SDC2: variants seen among roughly 807,000 people sequenced by gnomAD.
SDC2 encodes the protein syndecan 2, also known as syndecan-2.
A neutral mutation model predicts 22.2 loss-of-function variants in SDC2; 13 were observed. That is an observed-to-expected ratio of 0.59 (90% CI 0.38 to 0.93). SDC2 has a LOEUF of 0.93. Among genes scored for constraint, SDC2 ranks in the 40% least tolerant of loss-of-function variants. The pLI is 0.00. For missense variants in SDC2, 235 were observed against 246.8 expected (o/e 0.95, Z 0.32); for synonymous variants, 94 against 92.8 (o/e 1.01, Z -0.07).
Position 96,494,162 on chromosome 8 carries a change from C to A in SDC2, c.-110C>A, listed in dbSNP as rs1813008649. 1 of 1,162,364 alleles carries A rather than the reference C, an allele frequency of 8.6e-7. No homozygotes were observed. Among genetic ancestry groups the A allele is most frequent in the Admixed American group, 2.4e-5 (1 of 41,484 alleles). 72.0% of individuals were successfully genotyped at this position (1,162,364 alleles called of 1,614,324 possible). A position where few individuals can be genotyped will look rare whatever the true frequency, so the allele number is the denominator to read the frequency against. On this transcript the variant is annotated 5_prime_UTR_variant, in exon 1 of 5. Coordinates refer to ENST00000302190, the MANE Select transcript of SDC2 (RefSeq NM_002998.4). ...CCCCGAGCCTGAGCCGCAATCGCTG[C>A]GGTACTCTGCTCCGGATTCGTGTGC...
intron 1 of SDC2, among the ~76,000 whole-genome samples, chr8:96,565,084 A>ATTTTTTTGTTTTTTTTTTTTTTTTTT (rs1814274145): frequency 2.9e-5 from 2 of 67,800 alleles, no homozygotes; most frequent in Non-Finnish European, 5.9e-5. Context: ...CCTAAATTTG[A>ATTTTTTTGTTTTTTTTTTTTTTTTTT]TTTTTTTTTT....
At chr8:96,606,633 C>T (rs1040142930) in intron 3 of SDC2, among the ~76,000 whole-genome samples, 3 of 151,952 alleles carry the variant, frequency 2.0e-5, no homozygotes, top group African/African-American at 7.3e-5. Flanking sequence ...TGAAGTCAGA[C>T]CAATTGAAAT....
chr8:96,514,150 T>G (rs895880213), intron 1 of SDC2, among the ~76,000 whole-genome samples: 2 of 152,202 alleles, frequency 1.3e-5, no homozygotes, highest in African/African-American at 4.8e-5. Flanking sequence ...GTTAGGGGAC[T>G]GTGTATGTAA....
chr8:96,557,512 A>T (rs1814135787), intron 1 of SDC2, among the ~76,000 whole-genome samples: 1 of 149,696 alleles, frequency 6.7e-6, no homozygotes, highest in African/African-American at 2.4e-5. Context: ...ATTCTCAGTA[A>T]ACTATCGCAA....
At chr8:96,583,476 T>C (rs1054453659) in intron 1 of SDC2, among the ~76,000 whole-genome samples, 3 of 150,096 alleles carry the variant, frequency 2.0e-5, no homozygotes, top group African/African-American at 7.4e-5. Flanking sequence ...AGTTGATGTC[T>C]GAAAGCTGGT....
At chr8:96,597,763 A>G (rs1338625147) in intron 2 of SDC2, among the ~76,000 whole-genome samples, 2 of 152,210 alleles carry the variant, frequency 1.3e-5, no homozygotes, top group African/African-American at 2.4e-5. Flanking sequence ...CACAGAGGAT[A>G]TTCATTCATT....
chr8:96,583,433 G>A (rs925019478), intron 1 of SDC2, among the ~76,000 whole-genome samples: 8 of 101,626 alleles, frequency 7.9e-5, no homozygotes, highest in African/African-American at 3.4e-4. Context: ...GGATGTATTC[G>A]CTGTTAATTA....
chr8:96,564,051 G>T (rs1004527509), intron 1 of SDC2, among the ~76,000 whole-genome samples: 61 of 152,280 alleles, frequency 4.0e-4, no homozygotes, highest in Non-Finnish European at 7.1e-4. Context: ...CATCTCTGTT[G>T]TTCCTGCCGT....
At chr8:96,500,508 A>G (rs1015006303) in intron 1 of SDC2, among the ~76,000 whole-genome samples, 1 of 151,986 alleles carries the variant, frequency 6.6e-6, no homozygotes, top group Non-Finnish European at 1.5e-5. Flanking sequence ...CTAAAAATAT[A>G]AAAATTAGCC....
chr8:96,516,986 G>A (rs1198636974), intron 1 of SDC2, among the ~76,000 whole-genome samples: 1 of 152,066 alleles, frequency 6.6e-6, no homozygotes, highest in Non-Finnish European at 1.5e-5. Context: ...TGGGTGATAT[G>A]GTAACTCTGT....
At chr8:96,534,909 C>T (rs146417333) in intron 1 of SDC2, among the ~76,000 whole-genome samples, 2,963 of 152,280 alleles carry the variant, frequency 0.019, 96 homozygotes, top group African/African-American at 0.063. Context: ...TGCTTTCTCA[C>T]TGATGGGTTA....
In SDC2 at chr8:96,608,416, G is replaced by T; in HGVS notation, c.388G>T (p.Val130Leu). 6.2e-7 allele frequency: 1 copy of T among 1,613,674 alleles called. No individual in the cohort carries two copies. Among genetic ancestry groups the T allele is most frequent in the East Asian group, 2.2e-5 (1 of 44,884 alleles). The change falls in exon 4 of 5, where the codon GTG becomes TTG. Residue 130 changes from valine (V) to leucine (L), a missense_variant. By Grantham distance (32) the Val-to-Leu change is conservative. Transcript: ENST00000302190. ...KMDPAEEDTN[V>L]YTEKHSDSLF... ...GGACCCAGCCGAAGAGGATACAAAT[G>T]TGTATACTGAGAAACACTCAGACAG... is the stretch of plus-strand genomic sequence containing the variant.
chr8:96,494,103 A>C lies in SDC2; in HGVS notation c.-169A>C, dbSNP rs1026658344. The C allele has an allele frequency of 6.5e-6, 4 of 610,882 alleles. No individual in the cohort carries two copies. Among genetic ancestry groups the C allele is most frequent in the Non-Finnish European group, 1.1e-5 (4 of 365,030 alleles). 37.8% of individuals were successfully genotyped at this position (610,882 alleles called of 1,614,324 possible). On this transcript the variant is annotated 5_prime_UTR_variant, in exon 1 of 5. Coordinates refer to ENST00000302190, the MANE Select transcript of SDC2 (RefSeq NM_002998.4). Reference sequence around the variant, plus strand: ...GGGCGGCGGGAGCAGGCGCAGGAGGAGGAAGCGAGCGCCCCCGAGCCCCGA... The same window carrying C: ...GGGCGGCGGGAGCAGGCGCAGGAGGCGGAAGCGAGCGCCCCCGAGCCCCGA...
intron 1 of SDC2, among the ~76,000 whole-genome samples, chr8:96,566,599 C>T (rs937581950): frequency 2.0e-5 from 3 of 151,994 alleles, no homozygotes; most frequent in African/African-American, 7.2e-5. Flanking sequence ...AGCATATATA[C>T]ATAACAAAGG....
intron 1 of SDC2, among the ~76,000 whole-genome samples, chr8:96,532,424 T>TG (rs1290236128): frequency 7.0e-6 from 1 of 143,140 alleles, no homozygotes; most frequent in African/African-American, 2.6e-5. Context: ...TTTTTTTTTT[T>TG]TTTTTTTTTT....
At chr8:96,515,555 C>T (rs1228965178) in intron 1 of SDC2, among the ~76,000 whole-genome samples, 1 of 152,140 alleles carries the variant, frequency 6.6e-6, no homozygotes, top group African/African-American at 2.4e-5. Context: ...CTGTTAGAGA[C>T]AGGAAACAAC....
chr8:96,532,330 C>A (rs1368399237), intron 1 of SDC2, among the ~76,000 whole-genome samples: 1 of 150,534 alleles, frequency 6.6e-6, no homozygotes, highest in Non-Finnish European at 1.5e-5. Flanking sequence ...TAAAAATAGT[C>A]GCTGCCTAAC....
intron 1 of SDC2, among the ~76,000 whole-genome samples, chr8:96,520,504 A>G (rs919386653): frequency 2.0e-5 from 3 of 152,170 alleles, no homozygotes; most frequent in African/African-American, 7.2e-5. Context: ...GCCTCTCCTC[A>G]CATTCCCAAG....
intron 3 of SDC2, among the ~76,000 whole-genome samples, chr8:96,604,698 G>A (rs925220279): frequency 6.6e-6 from 1 of 152,078 alleles, no homozygotes; most frequent in Non-Finnish European, 1.5e-5. Flanking sequence ...AGGGAATCTC[G>A]TTATTTGTTT....
Sources: allele counts gnomAD v4.1 joint callset (sites outside exome capture counted in the v4.1 genomes callset), GRCh38; gene constraint gnomAD v4.1.1; transcripts MANE v1.5; gene names NCBI Gene and HGNC (gene_info 2026-07-23, HGNC 2026-07-21).